The following ZC3H12B variants were observed in gnomAD, a reference collection of about 807,000 sequenced individuals.
The protein encoded by ZC3H12B is zinc finger CCCH-type containing 12B.
ZC3H12B carries 7 observed loss-of-function variants against 43.9 expected under a neutral mutation model. The observed-to-expected ratio is 0.16, with a 90% CI of 0.09 to 0.30. The LOEUF (loss-of-function observed/expected upper bound fraction) is 0.30. ZC3H12B is among the 10% of genes least tolerant of loss of function. The probability of loss-of-function intolerance (pLI) is 1.00; values close to 1 mark genes in which losing one functional copy is unlikely to be tolerated. For missense variants in ZC3H12B, 475 were observed against 670.2 expected, an observed-to-expected ratio of 0.71 and a Z score of 3.22; for synonymous variants, 222 against 241.7, an observed-to-expected ratio of 0.92 and a Z score of 0.76.
At chrX:65,267,782 A>G in the ZC3H12B span, among the ~76,000 whole-genome samples, 2 of 111,761 alleles carry the variant, frequency 1.8e-5, no homozygotes, top group Admixed American at 1.9e-4. Flanking sequence ...AAGCAGTTCT[A>G]AGAAAGAAGT....
chrX:65,086,839 A>G, the ZC3H12B span, among the ~76,000 whole-genome samples: 3 of 111,825 alleles, frequency 2.7e-5, no homozygotes, highest in Non-Finnish European at 5.6e-5. Flanking sequence ...GATATTCTTC[A>G]TTCTTTGACA....
At chrX:65,187,485 C>A in the ZC3H12B span, among the ~76,000 whole-genome samples, 2 of 111,363 alleles carry the variant, frequency 1.8e-5, no homozygotes, top group African/African-American at 6.5e-5. Context: ...TAGGAAAATA[C>A]ATTTCTAATT....
the ZC3H12B span, among the ~76,000 whole-genome samples, chrX:65,222,637 A>G: frequency 1.1e-5 from 1 of 94,259 alleles, no homozygotes; most frequent in Non-Finnish European, 2.0e-5. Flanking sequence ...AATAATAATA[A>G]TAATAATAAT....
intron 2 of ZC3H12B, among the ~76,000 whole-genome samples, chrX:65,395,463 A>G (rs902074143): frequency 8.9e-6 from 1 of 112,443 alleles, no homozygotes; most frequent in African/African-American, 3.2e-5. Context: ...TATTGAGATA[A>G]TTATGTGGTT....
At chrX:65,355,459 C>T in the ZC3H12B span, among the ~76,000 whole-genome samples, 25 of 111,214 alleles carry the variant, frequency 2.2e-4, no homozygotes, top group Non-Finnish European at 3.6e-4. Flanking sequence ...GAGTTCAAAG[C>T]AGTATTATAC....
chrX:65,183,985 G>A, the ZC3H12B span, among the ~76,000 whole-genome samples: 1 of 111,369 alleles, frequency 9.0e-6, no homozygotes, highest in African/African-American at 3.3e-5. Context: ...GAGAAGAATT[G>A]AAATAGGAAG....
chrX:65,237,631 G>T, the ZC3H12B span, among the ~76,000 whole-genome samples: 6 of 109,181 alleles, frequency 5.5e-5, no homozygotes, highest in Non-Finnish European at 1.1e-4. Context: ...GGGCATACTT[G>T]TCTTGTGCCA....
chrX:65,381,191 G>A (rs186191573), intron 2 of ZC3H12B, among the ~76,000 whole-genome samples: 50 of 110,616 alleles, frequency 4.5e-4, no homozygotes, highest in Non-Finnish European at 7.6e-4. Context: ...AAAATTGACC[G>A]CATACGTGGA....
At chrX:65,331,567 T>TA in the ZC3H12B span, among the ~76,000 whole-genome samples, 18 of 108,748 alleles carry the variant, frequency 1.7e-4, no homozygotes, top group African/African-American at 6.1e-4. Context: ...TTTATTTATT[T>TA]ATTTATTTAT....
intron 1 of ZC3H12B, among the ~76,000 whole-genome samples, chrX:65,494,783 A>AAAATAAATAAAT (rs59246172): frequency 7.5e-4 from 76 of 101,071 alleles, no homozygotes; most frequent in Admixed American, 4.5e-4. Context: ...TCTGTCCCAA[A>AAAATAAATAAAT]AAATAAATAA....
At chrX:65,207,295 A>G in the ZC3H12B span, among the ~76,000 whole-genome samples, 14 of 108,171 alleles carry the variant, frequency 1.3e-4, no homozygotes, top group Non-Finnish European at 2.7e-4. Context: ...GTGGTCTACT[A>G]CTCACCCATA....
the ZC3H12B span, among the ~76,000 whole-genome samples, chrX:65,225,053 G>A: frequency 8.9e-6 from 1 of 111,945 alleles, no homozygotes; most frequent in Non-Finnish European, 1.9e-5. Flanking sequence ...GGAGATCTGA[G>A]AATGGGTAGA....
chrX:65,237,943 T>C, the ZC3H12B span, among the ~76,000 whole-genome samples: 5 of 112,040 alleles, frequency 4.5e-5, no homozygotes, highest in South Asian at 1.5e-3. Flanking sequence ...AGCATTTTGA[T>C]GTGCTGCTTG....
At chrX:65,066,333 G>A in the ZC3H12B span, among the ~76,000 whole-genome samples, 1 of 111,332 alleles carries the variant, frequency 9.0e-6, no homozygotes, top group Non-Finnish European at 1.9e-5. Context: ...TTTTGTGGGT[G>A]TTCTTTTTAT....
chrX:65,279,441 A>G, the ZC3H12B span, among the ~76,000 whole-genome samples: 4 of 109,942 alleles, frequency 3.6e-5, no homozygotes, highest in Admixed American at 3.9e-4. Flanking sequence ...TATGTCTTTG[A>G]CAAAGCTGAC....
chrX:65,231,601 A>G, the ZC3H12B span, among the ~76,000 whole-genome samples: 1 of 111,256 alleles, frequency 9.0e-6, no homozygotes, highest in Middle Eastern at 4.6e-3. Flanking sequence ...CTCAATTATT[A>G]ATATTCCTTG....
At chrX:65,067,088 C>A in the ZC3H12B span, among the ~76,000 whole-genome samples, 1 of 110,729 alleles carries the variant, frequency 9.0e-6, no homozygotes, top group East Asian at 2.9e-4. Flanking sequence ...TGTGGGGGTG[C>A]AACCTGCTCA....
intron 1 of ZC3H12B, among the ~76,000 whole-genome samples, chrX:65,490,442 A>G (rs1196755272): frequency 9.1e-6 from 1 of 109,899 alleles, no homozygotes; most frequent in Non-Finnish European, 1.9e-5. Flanking sequence ...GGGCAAGGAA[A>G]CAGATTCTCT....
At chrX:65,282,069 A>G in the ZC3H12B span, among the ~76,000 whole-genome samples, 98 of 112,193 alleles carry the variant, frequency 8.7e-4, no homozygotes, top group African/African-American at 3.0e-3. Flanking sequence ...ATGATAAAAA[A>G]AGAAAAACTG....
Sources: allele counts gnomAD v4.1 joint callset (sites outside exome capture counted in the v4.1 genomes callset), GRCh38; gene constraint gnomAD v4.1.1; transcripts MANE v1.5; gene names NCBI Gene and HGNC (gene_info 2026-07-23, HGNC 2026-07-21).